The following KCNMA1 variants were observed in gnomAD, a reference collection of about 807,000 sequenced individuals.
KCNMA1 encodes the protein potassium calcium-activated channel subfamily M alpha 1.
KCNMA1 carries 29 observed loss-of-function variants against 140.0 expected under a neutral mutation model. The ratio of observed to expected loss-of-function variants is 0.21; its 90% CI spans 0.15 to 0.28. KCNMA1 has a LOEUF of 0.28. Ranked by LOEUF, KCNMA1 falls within the 10% of genes least tolerant of loss-of-function variation. KCNMA1 has a pLI of 1.00. For synonymous variants in KCNMA1, 612 were observed against 611.9 expected (o/e 1.00, Z 0.00); for missense variants, 880 against 1,602.2 (o/e 0.55, Z 7.70).
intron 9 of KCNMA1, among the ~76,000 whole-genome samples, chr10:77,104,140 C>G (rs141678877): frequency 6.6e-6 from 1 of 152,154 alleles, no homozygotes; most frequent in Non-Finnish European, 1.5e-5. Context: ...GATGGTAATA[C>G]CTTTCTCACA....
chr10:77,166,503 A>ATG (rs1662108839), intron 5 of KCNMA1, among the ~76,000 whole-genome samples: 2 of 152,144 alleles, frequency 1.3e-5, no homozygotes, highest in Non-Finnish European at 2.9e-5. Flanking sequence ...ACTGCAACAC[A>ATG]TACTAGTTTG....
At chr10:77,345,736 C>T (rs771515047) in intron 2 of KCNMA1, among the ~76,000 whole-genome samples, 22 of 152,348 alleles carry the variant, frequency 1.4e-4, no homozygotes, top group Middle Eastern at 6.8e-3. Flanking sequence ...ATGCAGTTCC[C>T]ATGGTTTACT....
rs182082530 is a variant in KCNMA1 at position 77,532,716 on chromosome 10, C to T, written c.378+104549G>A. On this transcript the variant is annotated intron_variant, in intron 1 of 27. Coordinates refer to ENST00000286628, the MANE Select transcript of KCNMA1 (RefSeq NM_001161352.2). Reference sequence around the variant, plus strand: ...ATGATTTACAGAAGAATTTTACAACCTCTTCATTTTACAGATAAAGCAAGC... The same window carrying T: ...ATGATTTACAGAAGAATTTTACAACTTCTTCATTTTACAGATAAAGCAAGC... Among the ~76,000 whole-genome samples, 341 of 152,272 alleles carry T rather than the reference C, an allele frequency of 2.2e-3. 1 individual carries two copies. Among genetic ancestry groups the T allele is most frequent in the Non-Finnish European group, 3.5e-3 (239 of 68,012 alleles).
intron 19 of KCNMA1, among the ~76,000 whole-genome samples, chr10:76,982,641 C>T (rs570125778): frequency 2.6e-5 from 4 of 152,088 alleles, no homozygotes; most frequent in African/African-American, 7.2e-5. Context: ...AGAGTGTAAG[C>T]GTTTACATTC....
chr10:77,135,358 T>G (rs2097986426), intron 5 of KCNMA1, among the ~76,000 whole-genome samples: 1 of 152,156 alleles, frequency 6.6e-6, no homozygotes, highest in African/African-American at 2.4e-5. Flanking sequence ...TTGGTGAGGA[T>G]GTGGGAAAAA....
At chr10:77,424,051 T>G (rs2096924214) in intron 1 of KCNMA1, among the ~76,000 whole-genome samples, 1 of 152,214 alleles carries the variant, frequency 6.6e-6, no homozygotes, top group Non-Finnish European at 1.5e-5. Context: ...GAAGACAAGC[T>G]TTTGGAGTCA....
rs190050216 is a variant in KCNMA1 at position 77,208,657 on chromosome 10, T to C, written c.603-23741A>G. 1.4e-4 allele frequency among the ~76,000 whole-genome samples: 22 copies of C among 152,302 alleles called. No homozygotes were observed. In the East Asian group the frequency reaches 2.7e-3, roughly 19 times the overall value. On this transcript the variant is annotated intron_variant, in intron 3 of 27. Coordinates refer to ENST00000286628, the MANE Select transcript of KCNMA1 (RefSeq NM_001161352.2). ...CTACTGTCCATCTTATGGGATTCCA[T>C]AGACAAACATACAGTAGAAAAGCTC...
At chr10:77,146,510 A>C (rs996642600) in intron 5 of KCNMA1, among the ~76,000 whole-genome samples, 1 of 152,048 alleles carries the variant, frequency 6.6e-6, no homozygotes, top group Non-Finnish European at 1.5e-5. Context: ...AGACCAGCCT[A>C]GTCAACATGG....
intron 2 of KCNMA1, among the ~76,000 whole-genome samples, chr10:77,334,799 T>C (rs145200555): frequency 4.9e-4 from 75 of 152,326 alleles, no homozygotes; most frequent in African/African-American, 1.7e-3. Context: ...TATTAAAAAA[T>C]GAAAAATAAA....
intron 2 of KCNMA1, among the ~76,000 whole-genome samples, chr10:77,329,398 T>G (rs1221405349): frequency 6.6e-6 from 1 of 152,156 alleles, no homozygotes; most frequent in Non-Finnish European, 1.5e-5. Flanking sequence ...GAGACTACTG[T>G]CTTTAAAAAA....
At chr10:77,011,937 G>A in intron 18 of KCNMA1, 30 bp downstream of exon 18, 2 of 1,583,170 alleles carry the variant, frequency 1.3e-6, no homozygotes, top group South Asian at 2.2e-5. Context: ...AATGAGAAAG[G>A]GAGGGGACAG....
intron 1 of KCNMA1, among the ~76,000 whole-genome samples, chr10:77,407,491 T>C (rs1222935969): frequency 6.6e-6 from 1 of 152,252 alleles, no homozygotes; most frequent in Non-Finnish European, 1.5e-5. Flanking sequence ...TTTCTATGCA[T>C]TGTCTTGCTT....
intron 14 of KCNMA1, among the ~76,000 whole-genome samples, chr10:77,070,333 A>G (rs750664137): frequency 2.0e-5 from 3 of 151,976 alleles, no homozygotes; most frequent in Non-Finnish European, 4.4e-5. Flanking sequence ...AATAAAATTA[A>G]AAAGCCCAGT....
At chr10:77,150,363 T>G (rs550640675) in intron 5 of KCNMA1, among the ~76,000 whole-genome samples, 1 of 152,016 alleles carries the variant, frequency 6.6e-6, no homozygotes, top group African/African-American at 2.4e-5. Flanking sequence ...ACAGAAGAAA[T>G]AAACAGGCAT....
In KCNMA1 at chr10:77,307,401, C is replaced by T. The variant is rs138887669; in HGVS notation, c.541-56145G>A. ...GCTGTACTTCAAGTACCCATACGAC[C>T]ATTTTGTTTCCTACTTTAAGTGCAA... On this transcript the variant is annotated intron_variant, in intron 2 of 27. Transcript: ENST00000286628. Among the ~76,000 whole-genome samples the T allele has an allele frequency of 7.0e-4, 106 of 152,324 alleles. 1 individual carries two copies. In the East Asian group the frequency reaches 0.02, roughly 28 times the overall value.
chr10:77,428,068 G>A (rs1440992371), intron 1 of KCNMA1, among the ~76,000 whole-genome samples: 1 of 152,074 alleles, frequency 6.6e-6, no homozygotes, highest in Non-Finnish European at 1.5e-5. Context: ...TCCTTTTGAA[G>A]GAAGATGTGT....
intron 18 of KCNMA1, among the ~76,000 whole-genome samples, chr10:77,003,493 A>G (rs1259204773): frequency 6.6e-6 from 1 of 152,190 alleles, no homozygotes; most frequent in Non-Finnish European, 1.5e-5. Context: ...CTGGCATACA[A>G]TCTGCAGACA....
intron 1 of KCNMA1, among the ~76,000 whole-genome samples, chr10:77,519,484 G>A (rs2051987247): frequency 8.2e-6 from 1 of 122,334 alleles, no homozygotes; most frequent in Non-Finnish European, 1.6e-5. Flanking sequence ...ACTCCACTGA[G>A]AAGATAATTG....
chr10:77,302,616 T>C (rs181272277), intron 2 of KCNMA1, among the ~76,000 whole-genome samples: 111 of 151,358 alleles, frequency 7.3e-4, no homozygotes, highest in Admixed American at 1.8e-3. Flanking sequence ...TGAAAAGTTT[T>C]ATTAACTGAT....
Sources: allele counts gnomAD v4.1 joint callset (sites outside exome capture counted in the v4.1 genomes callset), GRCh38; gene constraint gnomAD v4.1.1; transcripts MANE v1.5; gene names NCBI Gene and HGNC (gene_info 2026-07-23, HGNC 2026-07-21).